Variants in FOXF1 observed in about 807,000 individuals in gnomAD.
The protein encoded by FOXF1 is forkhead box F1.
Under a neutral mutation model 26.6 loss-of-function variants are expected in FOXF1, and 9 were observed. The observed-to-expected ratio is 0.34, with a 90% CI of 0.20 to 0.59. The LOEUF (loss-of-function observed/expected upper bound fraction) is 0.59. FOXF1 is among the 20% of genes least tolerant of loss of function. The pLI is 0.83. For synonymous variants in FOXF1, 330 were observed against 257.7 expected (o/e 1.28, Z -2.69); for missense variants, 499 against 549.9 (o/e 0.91, Z 0.93).
rs943601140 is a variant in FOXF1 at position 86,514,118 on chromosome 16, T to G, written c.*1033T>G. The G allele has an allele frequency of 1.3e-5, 2 of 152,262 alleles. No individual in the cohort carries two copies. Among genetic ancestry groups the G allele is most frequent in the African/African-American group, 4.8e-5 (2 of 41,472 alleles). 9.4% of individuals were successfully genotyped at this position (152,262 alleles called of 1,614,324 possible). On this transcript the variant is annotated 3_prime_UTR_variant, in exon 2 of 2. Transcript: ENST00000262426. ...TTTATCAGTATTAATGGTGTAACTT[T>G]GTTGGCAATATTTGCCGTGTAGAAT...
At chr16:86,511,973 T>A (rs2143188650) in intron 1 of FOXF1, among the ~76,000 whole-genome samples, 1 of 152,282 alleles carries the variant, frequency 6.6e-6, no homozygotes, top group East Asian at 1.9e-4. Context: ...GAGGGCTGCC[T>A]CTGCCTGGGG....
chr16:86,510,803 G>A lies in FOXF1; in HGVS notation c.234G>A (p.Leu78=). 3.1e-6 allele frequency: 5 copies of A among 1,614,192 alleles called. No homozygotes were observed. Among genetic ancestry groups the A allele is most frequent in the Non-Finnish European group, 4.2e-6 (5 of 1,180,036 alleles). The change falls in exon 1 of 2, where the codon CTG becomes CTA. Residue 78 remains leucine, a synonymous_variant. Coordinates refer to ENST00000262426, the MANE Select transcript of FOXF1 (RefSeq NM_001451.3). ...CGCTGAGCGAGATCTACCAGTTCCTGCAGAGCCGCTTCCCCTTCTTCCGGG... is the reference window on the plus strand; with the variant it reads ...CGCTGAGCGAGATCTACCAGTTCCTACAGAGCCGCTTCCCCTTCTTCCGGG... ...RLTLSEIYQF[L]QSRFPFFRGS... is the part of the protein sequence containing the mutation.
chr16:86,512,883 C>CTCT (rs1169246294), intron 1 of FOXF1, 42 bp from the exon 2 acceptor site: 2 of 1,612,350 alleles, frequency 1.2e-6, no homozygotes, highest in Admixed American at 3.3e-5. Context: ...CCGTGGCTAA[C>CTCT]TCTTCTGCTC....
In FOXF1 at chr16:86,511,246, G is replaced by T; in HGVS notation, c.677G>T (p.Gly226Val). The T allele has an allele frequency of 6.6e-7, 1 of 1,522,206 alleles. No individual in the cohort carries two copies. The highest frequency in any genetic ancestry group is 1.2e-5 in the South Asian group (1 of 81,940). The allele number at this position is 1,522,206 out of a possible 1,614,324, so 94.3% of individuals were successfully genotyped here. Residue 226 changes from glycine to valine, a missense_variant, in exon 1 of 2, where the codon GGC (glycine) becomes GTC (valine). By Grantham distance (109) the Gly-to-Val change is moderately radical. Transcript: ENST00000262426. ...LPSNGGHSYM[G>V]GCGGAAAGEY... ...TCCAACGGCGGCCACTCGTACATGG[G>T]CGGCTGCGGCGGCGCGGCGGCCGGC...
At position 86,513,402 on chromosome 16, in the gene FOXF1, C is replaced by A; in HGVS notation, c.*317C>A. ...GCTGTGCAGGGGAAAGCCCCCGCACCCACACAGGAATTCTGCTGAGGTCCC... is the reference window on the plus strand; with the variant it reads ...GCTGTGCAGGGGAAAGCCCCCGCACACACACAGGAATTCTGCTGAGGTCCC... On this transcript the variant is annotated 3_prime_UTR_variant, in exon 2 of 2. Coordinates refer to ENST00000262426, the MANE Select transcript of FOXF1 (RefSeq NM_001451.3). The A allele has an allele frequency of 5.5e-6, 2 of 365,872 alleles. No homozygotes were observed. The highest frequency in any genetic ancestry group is 7.9e-4 in the Middle Eastern group (1 of 1,262). 22.7% of individuals were successfully genotyped at this position (365,872 alleles called of 1,614,324 possible).
rs1309975865 is a variant in FOXF1 at position 86,512,425 on chromosome 16, TC to T, written c.980-499del. On this transcript the variant is annotated intron_variant, in intron 1 of 1. Transcript: ENST00000262426. ...AGGCCTGGAGGCCTTAGGCAGCCTC[TC>T]TGCGGGGGACTCCCCGGCTCCGGGG... is the stretch of plus-strand genomic sequence containing the variant. Among the ~76,000 whole-genome samples the T allele has an allele frequency of 2.6e-5, 4 of 152,324 alleles. No homozygotes were observed. In the East Asian group the frequency reaches 7.7e-4, roughly 29 times the overall value.
Position 86,513,526 on chromosome 16 carries a change from GTATT to G in FOXF1, c.*445_*448del, listed in dbSNP as rs1969600960. ...TCAAATACTTTTATTTTTTGGTTGA[GTATT>G]TATCTTTTTATTTTTTATTTTTTTT... On this transcript the variant is annotated 3_prime_UTR_variant, in exon 2 of 2. Coordinates refer to ENST00000262426, the MANE Select transcript of FOXF1 (RefSeq NM_001451.3). 6.0e-6 allele frequency: 1 copy of G among 165,392 alleles called. No homozygotes were observed. The highest frequency in any genetic ancestry group is 2.5e-5 in the African/African-American group (1 of 40,062). 10.2% of individuals were successfully genotyped at this position (165,392 alleles called of 1,614,324 possible).
rs1969550887 is a variant in FOXF1 at position 86,510,887 on chromosome 16, C to T, written c.318C>T (p.Phe106=). ...ACAACCTCTCGCTCAACGAGTGCTT[C>T]ATCAAGCTACCCAAGGGCCTTGGGC... ...VRHNLSLNEC[F]IKLPKGLGRP... The change falls in exon 1 of 2, where the codon TTC becomes TTT. Residue 106 remains phenylalanine (F), a synonymous_variant. Transcript: ENST00000262426. 2.5e-6 allele frequency: 4 copies of T among 1,614,034 alleles called. No homozygotes were observed. Among genetic ancestry groups the T allele is most frequent in the Non-Finnish European group, 3.4e-6 (4 of 1,180,034 alleles).
Position 86,511,028 on chromosome 16 carries a change from C to G in FOXF1, c.459C>G (p.Pro153=), listed in dbSNP as rs1253734971. The change falls in exon 1 of 2, where the codon CCC becomes CCG. Residue 153 remains proline, a synonymous_variant. Coordinates refer to ENST00000262426, the MANE Select transcript of FOXF1 (RefSeq NM_001451.3). ...GFRRKCQALK[P]MYSMMNGLGF... is the part of the protein sequence containing the mutation. Reference sequence around the variant, plus strand: ...GAAGGAAATGCCAGGCGCTCAAGCCCATGTACAGCATGATGAACGGGCTCG... The same window carrying G: ...GAAGGAAATGCCAGGCGCTCAAGCCGATGTACAGCATGATGAACGGGCTCG... 3 of 1,612,082 alleles carry G rather than the reference C, an allele frequency of 1.9e-6. No individual in the cohort carries two copies. Among genetic ancestry groups the G allele is most frequent in the African/African-American group, 1.3e-5 (1 of 74,906 alleles).
In FOXF1 at chr16:86,513,251, C is replaced by A; in HGVS notation, c.*166C>A. The A allele has an allele frequency of 1.5e-6, 1 of 664,126 alleles. No individual in the cohort carries two copies. Among genetic ancestry groups the A allele is most frequent in the South Asian group, 1.9e-5 (1 of 53,494 alleles). 41.1% of individuals were successfully genotyped at this position (664,126 alleles called of 1,614,324 possible). A position where few individuals can be genotyped will look rare whatever the true frequency, so the allele number is the denominator to read the frequency against. ...AGGAGTCCCCAATGCAAAGACACAG[C>A]GCTGCGGTTGGCACCTCCTTCCTCA... On this transcript the variant is annotated 3_prime_UTR_variant, in exon 2 of 2. Coordinates refer to ENST00000262426, the MANE Select transcript of FOXF1 (RefSeq NM_001451.3).
Position 86,510,947 on chromosome 16 carries a change from G to A in FOXF1, c.378G>A (p.Pro126=), listed in dbSNP as rs771675021. 6.2e-7 allele frequency: 1 copy of A among 1,613,682 alleles called. No individual in the cohort carries two copies. The highest frequency in any genetic ancestry group is 8.5e-7 in the Non-Finnish European group (1 of 1,180,014). ...AGGGCCACTACTGGACCATCGACCCGGCCAGCGAGTTCATGTTCGAGGAGG... is the reference window on the plus strand; with the variant it reads ...AGGGCCACTACTGGACCATCGACCCAGCCAGCGAGTTCATGTTCGAGGAGG... ...PGKGHYWTID[P]ASEFMFEEGS... Residue 126 remains proline, a synonymous_variant, in exon 1 of 2, where the codon CCG becomes CCA. Coordinates refer to ENST00000262426, the MANE Select transcript of FOXF1 (RefSeq NM_001451.3).
chr16:86,511,505 G>T lies in FOXF1; in HGVS notation c.936G>T (p.Pro312=), dbSNP rs750624783. 6.3e-7 allele frequency: 1 copy of T among 1,585,724 alleles called. No homozygotes were observed. The highest frequency in any genetic ancestry group is 1.7e-5 in the Admixed American group (1 of 58,618). The change falls in exon 1 of 2, where the codon CCG becomes CCT. Residue 312 remains proline, a synonymous_variant. Coordinates refer to ENST00000262426, the MANE Select transcript of FOXF1 (RefSeq NM_001451.3). ...GSLSTHSLEQ[P]YLHQNSHNAP... ...TCTCCACGCACTCCCTGGAGCAGCC[G>T]TATCTGCACCAGAACAGCCACAACG...
At position 86,511,349 on chromosome 16, in the gene FOXF1, C is replaced by A; in HGVS notation, c.780C>A (p.His260Gln). 1 of 1,549,802 alleles carries A rather than the reference C, an allele frequency of 6.5e-7. No homozygotes were observed. Residue 260 changes from histidine (H) to glutamine (Q), a missense_variant, in exon 1 of 2, where the codon CAC becomes CAA. Transcript: ENST00000262426. ...PTGAGGVMEP[H>Q]AVYSGSAAAW... is the part of the protein sequence containing the mutation. ...GCGCCGGTGGGGTCATGGAGCCGCACGCCGTCTACTCGGGCTCGGCGGCGG... is the reference window on the plus strand; with the variant it reads ...GCGCCGGTGGGGTCATGGAGCCGCAAGCCGTCTACTCGGGCTCGGCGGCGG...
intron 1 of FOXF1, among the ~76,000 whole-genome samples, chr16:86,512,698 G>A (rs886457370): frequency 1.6e-5 from 2 of 128,738 alleles, no homozygotes; most frequent in Non-Finnish European, 3.5e-5. Flanking sequence ...CAGCAGGCAG[G>A]CAGGCAGGCA....
In FOXF1 at chr16:86,510,875, C is replaced by G. The variant is rs545170184; in HGVS notation, c.306C>G (p.Leu102=). The G allele has an allele frequency of 7.4e-6, 12 of 1,614,002 alleles. No homozygotes were observed. In the African/African-American group the frequency reaches 1.1e-4, roughly 14 times the overall value. The change falls in exon 1 of 2, where the codon CTC becomes CTG. Residue 102 remains leucine (L), a synonymous_variant. Coordinates refer to ENST00000262426, the MANE Select transcript of FOXF1 (RefSeq NM_001451.3). ...WKNSVRHNLS[L]NECFIKLPKG... ...ACTCCGTGCGCCACAACCTCTCGCT[C>G]AACGAGTGCTTCATCAAGCTACCCA...
In FOXF1 at chr16:86,515,120, C is replaced by T. The variant is rs927120194; in HGVS notation, c.*2035C>T. ...GACAGGCACCTTTCCAATCCTGTAA[C>T]ATTTATCTCCTAAGTCACAGTTCGT... On this transcript the variant is annotated 3_prime_UTR_variant, in exon 2 of 2. Transcript: ENST00000262426. The surrounding 1 kb of genome is among the most constrained non-coding windows in gnomAD (Gnocchi z 4.1). 1 of 152,164 alleles carries T rather than the reference C, an allele frequency of 6.6e-6. No individual in the cohort carries two copies. Among genetic ancestry groups the T allele is most frequent in the African/African-American group, 2.4e-5 (1 of 41,432 alleles). 9.4% of individuals were successfully genotyped at this position (152,164 alleles called of 1,614,324 possible).
Position 86,510,706 on chromosome 16 carries a change from C to G in FOXF1, c.137C>G (p.Pro46Arg), listed in dbSNP as rs751447219. The G allele has an allele frequency of 6.2e-7, 1 of 1,613,298 alleles. No homozygotes were observed. The highest frequency in any genetic ancestry group is 1.1e-5 in the South Asian group (1 of 91,074). The change falls in exon 1 of 2, where the codon CCG becomes CGG. Residue 46 changes from proline to arginine, a missense_variant. Transcript: ENST00000262426. ...AKKTNAGIRR[P>R]EKPPYSYIAL... Reference sequence around the variant, plus strand: ...AAGACCAACGCCGGCATCCGGCGCCCGGAGAAGCCGCCCTATTCCTACATC... The same window carrying G: ...AAGACCAACGCCGGCATCCGGCGCCGGGAGAAGCCGCCCTATTCCTACATC...
In FOXF1 at chr16:86,511,177, T is replaced by G. The variant is rs1969556860; in HGVS notation, c.608T>G (p.Val203Gly). ...GMMNGHLPGN[V>G]DGMALPSHSV... ...ATGAACGGCCACTTGCCGGGCAACG[T>G]GGACGGCATGGCCCTGCCCAGCCAC... The change falls in exon 1 of 2, where the codon GTG becomes GGG. Residue 203 changes from valine to glycine, a missense_variant. Coordinates refer to ENST00000262426, the MANE Select transcript of FOXF1 (RefSeq NM_001451.3). 1 of 1,574,938 alleles carries G rather than the reference T, an allele frequency of 6.3e-7. No homozygotes were observed. Among genetic ancestry groups the G allele is most frequent in the East Asian group, 2.4e-5 (1 of 42,326 alleles).
Position 86,514,262 on chromosome 16 carries a change from G to C in FOXF1, c.*1177G>C, listed in dbSNP as rs968197774. 3 of 129,676 alleles carry C rather than the reference G, an allele frequency of 2.3e-5. No individual in the cohort carries two copies. Among genetic ancestry groups the C allele is most frequent in the African/African-American group, 8.5e-5 (3 of 35,138 alleles). The allele number at this position is 129,676 out of a possible 1,614,324, so 8.0% of individuals were successfully genotyped here. ...AGGACTACCCTCCTTTTTTTTTTTT[G>C]TATTTTGGCTGCTAGAGTGCAGCAT... is the stretch of plus-strand genomic sequence containing the variant. On this transcript the variant is annotated 3_prime_UTR_variant, in exon 2 of 2. Coordinates refer to ENST00000262426, the MANE Select transcript of FOXF1 (RefSeq NM_001451.3).
Sources: allele counts gnomAD v4.1 joint callset (sites outside exome capture counted in the v4.1 genomes callset), GRCh38; gene constraint gnomAD v4.1.1; non-coding constraint Gnocchi (gnomAD v3.1); transcripts MANE v1.5; gene names NCBI Gene and HGNC (gene_info 2026-07-23, HGNC 2026-07-21).